The following PCDH19 variants were observed in gnomAD, a reference collection of about 807,000 sequenced individuals.
PCDH19 encodes protocadherin-19.
Under a neutral mutation model 46.2 loss-of-function variants are expected in PCDH19, and 6 were observed. The ratio of observed to expected loss-of-function variants is 0.13; its 90% CI spans 0.07 to 0.26. The LOEUF is 0.26. PCDH19 is among the 10% of genes least tolerant of loss of function. The probability of loss-of-function intolerance (pLI) is 1.00; values close to 1 mark genes in which losing one functional copy is unlikely to be tolerated. For synonymous variants in PCDH19, 481 were observed against 415.7 expected (o/e 1.16, Z -1.91); for missense variants, 740 against 972.3 (o/e 0.76, Z 3.18).
chrX:100,384,146 T>C (rs770666026), intron 3 of PCDH19, among the ~76,000 whole-genome samples: 1 of 111,917 alleles, frequency 8.9e-6, no homozygotes, highest in African/African-American at 3.2e-5. Flanking sequence ...GTCTCTTTGT[T>C]GGTAGAAAGT....
At position 100,408,195 on chromosome X, in the gene PCDH19, C is replaced by G. The variant is rs759398718; in HGVS notation, c.403G>C (p.Glu135Gln). The G allele has an allele frequency of 7.4e-6, 9 of 1,212,238 alleles. No homozygotes were observed. In the South Asian group the frequency reaches 1.2e-4, roughly 17 times the overall value. The change falls in exon 1 of 6, where the codon GAG (glutamate) becomes CAG (glutamine). Residue 135 changes from glutamate to glutamine, a missense_variant. Around this residue, in one of 5 missense-constraint regions of PCDH19, gnomAD observed 9 missense variants for 35.9 expected, o/e 0.25. Coordinates refer to ENST00000373034, the MANE Select transcript of PCDH19 (RefSeq NM_001184880.2). ...CTGGCTGCCTCCGAGATCTCCAGCT[C>G]GATCTGTGCTGCCGGGAAACTGGGC... ...NAPSFPAAQIELEISEAASPG... is the reference protein window; with the variant it reads ...NAPSFPAAQIQLEISEAASPG...
At chrX:100,298,479 T>C (rs996074151) in intron 5 of PCDH19, among the ~76,000 whole-genome samples, 2 of 112,256 alleles carry the variant, frequency 1.8e-5, no homozygotes, top group Non-Finnish European at 3.8e-5. Flanking sequence ...AGATGGACAC[T>C]TTCATCCCCC....
intron 4 of PCDH19, among the ~76,000 whole-genome samples, chrX:100,347,289 T>C (rs1220464882): frequency 9.0e-6 from 1 of 110,891 alleles, no homozygotes; most frequent in Non-Finnish European, 1.9e-5. Context: ...ATCAGGATAT[T>C]GATTGTCTCT....
At position 100,403,599 on chromosome X, in the gene PCDH19, T is replaced by A. The variant is rs1476959307; in HGVS notation, c.2213A>T (p.His738Leu). 5 of 1,206,098 alleles carry A rather than the reference T, an allele frequency of 4.1e-6. No individual in the cohort carries two copies. The highest frequency in any genetic ancestry group is 5.6e-6 in the Non-Finnish European group (5 of 891,300). The change falls in exon 2 of 6, where the codon CAT (histidine) becomes CTT (leucine). Residue 738 changes from histidine to leucine, a missense_variant. Physicochemically the swap from His to Leu is moderately conservative, Grantham distance 99. This residue lies in a region of PCDH19 where 416 missense variants were observed against 476.8 expected (regional missense o/e 0.87). Transcript: ENST00000373034. ...FIKGQNSKCL[H>L]CISVSPISEE... Reference sequence around the variant, plus strand: ...GCTAATGGGAGAAACCGAGATGCAATGCAGACACTTGCTGTTTTGTCCTTT... The same window carrying A: ...GCTAATGGGAGAAACCGAGATGCAAAGCAGACACTTGCTGTTTTGTCCTTT...
intron 3 of PCDH19, among the ~76,000 whole-genome samples, chrX:100,379,908 G>A (rs1927502247): frequency 8.9e-6 from 1 of 111,872 alleles, no homozygotes; most frequent in African/African-American, 3.3e-5. Context: ...GTTGGGGGTG[G>A]GAGGTGGCAT....
rs1013396026 is a variant in PCDH19, at chrX:100,354,842, C to T, written c.2617-4138G>A. On this transcript the variant is annotated intron_variant, in intron 3 of 5. Coordinates refer to ENST00000373034, the MANE Select transcript of PCDH19 (RefSeq NM_001184880.2). The stretch of plus-strand genomic sequence containing the variant: ...TTCTCTAAATGTCACATTAATTTCA[C>T]TAGGAAATGTCCCCATTTCTAATCA... Among the ~76,000 whole-genome samples the T allele has an allele frequency of 6.3e-5, 7 of 110,671 alleles. No individual in the cohort carries two copies. In the East Asian group the frequency reaches 2.0e-3, roughly 31 times the overall value.
chrX:100,354,969 T>A (rs778620993), intron 3 of PCDH19, among the ~76,000 whole-genome samples: 50 of 111,700 alleles, frequency 4.5e-4, no homozygotes, highest in Non-Finnish European at 7.5e-4. Context: ...TAGAGCAAAC[T>A]TTTTTATTTC....
intron 3 of PCDH19, among the ~76,000 whole-genome samples, chrX:100,393,497 TACACACACACACACACACAC>T (rs57070852): frequency 7.8e-5 from 7 of 90,064 alleles, no homozygotes; most frequent in Admixed American, 7.6e-4. Flanking sequence ...CATACATACA[TACACACACACACACACACAC>T]ACACACACAC....
chrX:100,384,548 C>G (rs1184519912), intron 3 of PCDH19, among the ~76,000 whole-genome samples: 1 of 110,466 alleles, frequency 9.1e-6, no homozygotes, highest in Non-Finnish European at 1.9e-5. Context: ...CCCTTTTTCA[C>G]AGAAATAATA....
In PCDH19 at chrX:100,294,073, G is replaced by C. The variant is rs1924514802; in HGVS notation, c.*2204C>G. ...ATAATATCAGGATGGATCAGGGTGA[G>C]AAACAGTCTAAATTCTATAGGCAGC... On this transcript the variant is annotated 3_prime_UTR_variant, in exon 6 of 6. Transcript: ENST00000373034. The C allele has an allele frequency of 8.9e-6, 1 of 111,926 alleles. No individual in the cohort carries two copies. The highest frequency in any genetic ancestry group is 9.5e-5 in the Admixed American group (1 of 10,552). The allele number at this position is 111,926 out of a possible 1,213,427, so 9.2% of individuals were successfully genotyped here.
intron 3 of PCDH19, among the ~76,000 whole-genome samples, chrX:100,363,890 A>AGAGAGAGAGG (rs1358302728): frequency 2.9e-5 from 1 of 34,140 alleles, no homozygotes; most frequent in Non-Finnish European, 6.3e-5. Flanking sequence ...TGTGTGTGAG[A>AGAGAGAGAGG]GAGAGGGAGA....
chrX:100,304,388 G>A (rs1022418724), intron 5 of PCDH19, among the ~76,000 whole-genome samples: 5 of 111,232 alleles, frequency 4.5e-5, no homozygotes, highest in South Asian at 3.9e-4. Context: ...CCACATCAAG[G>A]GAGCACCCCA....
intron 3 of PCDH19, among the ~76,000 whole-genome samples, chrX:100,379,516 A>C (rs764473206): frequency 5.3e-5 from 6 of 112,472 alleles, no homozygotes; most frequent in Non-Finnish European, 9.4e-5. Flanking sequence ...TGAAGAGATA[A>C]AGACAATGAA....
chrX:100,373,221 A>C (rs1024484103), intron 3 of PCDH19, among the ~76,000 whole-genome samples: 6 of 112,515 alleles, frequency 5.3e-5, no homozygotes, highest in African/African-American at 1.3e-4. Flanking sequence ...GTTGGCCAGG[A>C]TGGTCTCGAT....
rs1924589496 is a variant in PCDH19, at chrX:100,296,087, A to G, written c.*190T>C. The stretch of plus-strand genomic sequence containing the variant: ...CTCAAGCCAAAGCTAATTTGCTCCA[A>G]CTGAACACCCCTGCTGCCTGTTGAA... On this transcript the variant is annotated 3_prime_UTR_variant, in exon 6 of 6. Coordinates refer to ENST00000373034, the MANE Select transcript of PCDH19 (RefSeq NM_001184880.2). 1 of 453,776 alleles carries G rather than the reference A, an allele frequency of 2.2e-6. No individual in the cohort carries two copies. The highest frequency in any genetic ancestry group is 2.4e-5 in the African/African-American group (1 of 40,821). The allele number at this position is 453,776 out of a possible 1,213,427, so 37.4% of individuals were successfully genotyped here. A position where few individuals can be genotyped will look rare whatever the true frequency, so the allele number is the denominator to read the frequency against.
chrX:100,405,680 A>C (rs1156774858), intron 1 of PCDH19, among the ~76,000 whole-genome samples: 1 of 108,952 alleles, frequency 9.2e-6, no homozygotes, highest in Non-Finnish European at 1.9e-5. Context: ...GCCACAACAC[A>C]GTCTCACATT....
intron 5 of PCDH19, among the ~76,000 whole-genome samples, chrX:100,330,995 T>C (rs999266593): frequency 8.9e-6 from 1 of 112,209 alleles, no homozygotes; most frequent in African/African-American, 3.2e-5. Context: ...AAACTTTGAG[T>C]AACTTCAGTC....
At chrX:100,397,983 T>C (rs1189620158) in intron 3 of PCDH19, among the ~76,000 whole-genome samples, 1 of 98,747 alleles carries the variant, frequency 1.0e-5, no homozygotes, top group Non-Finnish European at 2.1e-5. Flanking sequence ...TTCACTCTTT[T>C]CTACGCCCTC....
In PCDH19 at chrX:100,371,849, T is replaced by TAC. The variant is rs56125276; in HGVS notation, c.2617-21147_2617-21146dup. Among the ~76,000 whole-genome samples, 230 of 80,752 alleles carry TAC rather than the reference T, an allele frequency of 2.8e-3. 2 individuals are homozygous for TAC. The highest frequency in any genetic ancestry group is 0.011 in the African/African-American group (222 of 20,210). The allele number at this position is 80,752 out of a possible 115,157, so 70.1% of individuals were successfully genotyped here. On this transcript the variant is annotated intron_variant, in intron 3 of 5. Transcript: ENST00000373034. ...CCTTCATGGACGAGACAAATGACTATACACACACACACACACACACACACA... is the reference window on the plus strand; with the variant it reads ...CCTTCATGGACGAGACAAATGACTATACACACACACACACACACACACACACA...
Sources: gnomAD v4.1 joint callset for allele counts (sites outside exome capture counted in the v4.1 genomes callset) on GRCh38, gnomAD v4.1.1 for gene constraint, gnomAD v4.1.1 regional missense constraint, MANE v1.5 for transcripts, NCBI Gene and HGNC (gene_info 2026-07-23, HGNC 2026-07-21) for gene names.